Variants in FGD5 observed in about 807,000 individuals in gnomAD.
FGD5 encodes FYVE, RhoGEF and PH domain containing 5, also known as FYVE, RhoGEF and PH domain-containing protein 5.
In FGD5, 28 loss-of-function variants were observed where a neutral mutation model predicts 133.4. The observed-to-expected ratio is 0.21, with a 90% CI of 0.16 to 0.29. The LOEUF (loss-of-function observed/expected upper bound fraction) is 0.29. Ranked by LOEUF, FGD5 falls within the 10% of genes least tolerant of loss-of-function variation. The pLI is 1.00. For synonymous variants in FGD5, 810 were observed against 776.5 expected (o/e 1.04, Z -0.72); for missense variants, 1,858 against 1,895.2 (o/e 0.98, Z 0.36).
At chr3:14,898,907 G>A in intron 7 of FGD5, 81 bp downstream of exon 7, 10 of 1,280,936 alleles carry the variant, frequency 7.8e-6, no homozygotes, top group Non-Finnish European at 1.1e-5. Flanking sequence ...GGACTGTGGT[G>A]ACCTTGCCTC....
chr3:14,819,592 G>C lies in FGD5; in HGVS notation c.521G>C (p.Arg174Thr). 6.4e-7 allele frequency: 1 copy of C among 1,551,560 alleles called. No homozygotes were observed. The highest frequency in any genetic ancestry group is 2.4e-5 in the East Asian group (1 of 40,918). Residue 174 changes from arginine (R) to threonine (T), a missense_variant, in exon 1 of 20, where the codon AGG becomes ACG. Physicochemically the swap from Arg to Thr is moderately conservative, Grantham distance 71. This residue lies in a region of FGD5 where 1,824 missense variants were observed against 1,848.9 expected (regional missense o/e 0.99). Coordinates refer to ENST00000285046, the MANE Select transcript of FGD5 (RefSeq NM_152536.4). The surrounding 1 kb of genome is among the most constrained non-coding windows in gnomAD (Gnocchi z 4.1). ...EEEEKLVQPH[R>T]ECSLEDSGPW... ...GAAGAGAAGCTAGTGCAGCCACACA[G>C]GGAGTGCAGCCTGGAGGACAGTGGG...
chr3:14,856,609 A>G (rs1329368435), intron 1 of FGD5, among the ~76,000 whole-genome samples: 1 of 149,456 alleles, frequency 6.7e-6, no homozygotes, highest in Non-Finnish European at 1.5e-5. Context: ...TTATTTCTAG[A>G]TTGGGCTTTT....
chr3:14,908,921 AATTT>A (rs748320275), intron 10 of FGD5, among the ~76,000 whole-genome samples: 14,640 of 149,834 alleles, frequency 0.098, 864 homozygotes, highest in East Asian at 0.29. Context: ...ATAAAAAGGG[AATTT>A]ATTTATTTAT....
chr3:14,878,790 A>G (rs1450807693), intron 2 of FGD5, among the ~76,000 whole-genome samples: 1 of 150,804 alleles, frequency 6.6e-6, no homozygotes, highest in Non-Finnish European at 1.5e-5. Context: ...CAATGGCGCA[A>G]TCTCGGCTCA....
At position 14,897,596 on chromosome 3, in the gene FGD5, C is replaced by G; in HGVS notation, c.2836C>G (p.Leu946Val). The stretch of plus-strand genomic sequence containing the variant: ...GGCCCGGGAGGAGCTGAGGCAGGGC[C>G]TGAGTGAACTCCCAGCCATCCACGA... ...TLAREELRQG[L>V]SELPAIHDLH... The change falls in exon 5 of 20, where the codon CTG becomes GTG. Residue 946 changes from leucine (L) to valine (V), a missense_variant. Leu to Val is a conservative substitution (Grantham distance 32). Coordinates refer to ENST00000285046, the MANE Select transcript of FGD5 (RefSeq NM_152536.4). 1 of 1,605,224 alleles carries G rather than the reference C, an allele frequency of 6.2e-7. No homozygotes were observed. The highest frequency in any genetic ancestry group is 8.5e-7 in the Non-Finnish European group (1 of 1,176,024).
intron 9 of FGD5, among the ~76,000 whole-genome samples, chr3:14,903,133 C>G (rs539647954): frequency 2.0e-5 from 3 of 152,218 alleles, no homozygotes; most frequent in Non-Finnish European, 2.9e-5. Context: ...CCATTCATCT[C>G]CAGAACTTCT....
chr3:14,855,783 G>T (rs1216201742), intron 1 of FGD5, among the ~76,000 whole-genome samples: 4 of 151,910 alleles, frequency 2.6e-5, no homozygotes, highest in Non-Finnish European at 5.9e-5. Flanking sequence ...TTAATCCCCT[G>T]TCGGATGAGT....
intron 1 of FGD5, among the ~76,000 whole-genome samples, chr3:14,813,826 T>C (rs773310267): frequency 2.6e-5 from 4 of 152,164 alleles, no homozygotes; most frequent in Admixed American, 6.5e-5. Context: ...CCCCTGCTAA[T>C]TGAACTTCTA....
chr3:14,917,307 A>G lies in FGD5; in HGVS notation c.3464A>G (p.Asn1155Ser), dbSNP rs767397522. 3.6e-5 allele frequency: 58 copies of G among 1,613,464 alleles called. No individual in the cohort carries two copies. Among genetic ancestry groups the G allele is most frequent in the Non-Finnish European group, 4.7e-5 (56 of 1,179,774 alleles). Residue 1155 changes from asparagine to serine, a missense_variant, in exon 12 of 20, where the codon AAC (asparagine) becomes AGC (serine). Asn to Ser is a conservative substitution (Grantham distance 46). Coordinates refer to ENST00000285046, the MANE Select transcript of FGD5 (RefSeq NM_152536.4). The surrounding 1 kb of genome is among the most constrained non-coding windows in gnomAD (Gnocchi z 4.1). ...PQKDGKYRLKNTLAVANMKVS... is the reference protein window; with the variant it reads ...PQKDGKYRLKSTLAVANMKVS... ...AAGGATGGGAAGTACCGGCTGAAGA[A>G]CACATTGGCTGTGGCCAACATGAAG...
At chr3:14,865,653 C>A (rs547347043) in intron 2 of FGD5, among the ~76,000 whole-genome samples, 1 of 152,158 alleles carries the variant, frequency 6.6e-6, no homozygotes. Flanking sequence ...TGACTCCTTA[C>A]AACAACTTCA....
At chr3:14,879,671 C>T (rs889048115) in intron 2 of FGD5, among the ~76,000 whole-genome samples, 1 of 152,192 alleles carries the variant, frequency 6.6e-6, no homozygotes, top group Admixed American at 6.5e-5. Context: ...CCCTGCCCTC[C>T]TGGAGAGATG....
At chr3:14,895,422 T>C (rs2038117342) in intron 4 of FGD5, among the ~76,000 whole-genome samples, 1 of 152,214 alleles carries the variant, frequency 6.6e-6, no homozygotes, top group South Asian at 2.1e-4. Flanking sequence ...CTTCTGCATT[T>C]AGTTATTTAG....
At chr3:14,866,481 G>T (rs111855005) in intron 2 of FGD5, among the ~76,000 whole-genome samples, 1 of 152,100 alleles carries the variant, frequency 6.6e-6, no homozygotes, top group Non-Finnish European at 1.5e-5. Context: ...TAAGGAGCTA[G>T]CAAGAGGTAG....
At chr3:14,879,097 T>C (rs1040851935) in intron 2 of FGD5, among the ~76,000 whole-genome samples, 2 of 152,128 alleles carry the variant, frequency 1.3e-5, no homozygotes, top group African/African-American at 4.8e-5. Context: ...ACTTGACGAG[T>C]GGCTTCTTAA....
chr3:14,810,930 A>G (rs1253985226), intron 1 of FGD5: 1 of 983,490 alleles, frequency 1.0e-6, no homozygotes, highest in Non-Finnish European at 1.2e-6. Flanking sequence ...GGGCGCTCCA[A>G]GTTGGAGCTC....
chr3:14,923,926 G>A, intron 16 of FGD5, 82 bp from the exon 17 acceptor site: 2 of 1,542,792 alleles, frequency 1.3e-6, no homozygotes, highest in East Asian at 2.3e-5. Context: ...TTCCTAGAGG[G>A]ATTTTACAGG....
chr3:14,813,994 C>A (rs2036333834), upstream of FGD5, among the ~76,000 whole-genome samples: 1 of 152,118 alleles, frequency 6.6e-6, no homozygotes, highest in African/African-American at 2.4e-5. Flanking sequence ...GTGCGATTCC[C>A]CCACCCCCTA....
intron 1 of FGD5, among the ~76,000 whole-genome samples, chr3:14,861,635 C>G (rs1260288575): frequency 6.6e-6 from 1 of 152,186 alleles, no homozygotes; most frequent in Non-Finnish European, 1.5e-5. Context: ...TCCGTGAGCC[C>G]TCTCCCCTGT....
At chr3:14,836,857 C>T (rs1234164067) in intron 1 of FGD5, among the ~76,000 whole-genome samples, 1 of 152,190 alleles carries the variant, frequency 6.6e-6, no homozygotes, top group Non-Finnish European at 1.5e-5. Context: ...AGAGGCCTCC[C>T]TGAGGCACTC....
Sources: gnomAD v4.1 joint callset for allele counts (sites outside exome capture counted in the v4.1 genomes callset) on GRCh38, gnomAD v4.1.1 for gene constraint, gnomAD v4.1.1 regional missense constraint, Gnocchi (gnomAD v3.1) non-coding constraint, MANE v1.5 for transcripts, NCBI Gene and HGNC (gene_info 2026-07-23, HGNC 2026-07-21) for gene names.